PLEKHA6: variants seen among roughly 807,000 people sequenced by gnomAD.
PLEKHA6 encodes pleckstrin homology domain containing A6.
Under a neutral mutation model 116.7 loss-of-function variants are expected in PLEKHA6, and 60 were observed. The ratio of observed to expected loss-of-function variants is 0.51; its 90% CI spans 0.42 to 0.64. The LOEUF is 0.64. Ranked by LOEUF, PLEKHA6 falls within the 30% of genes least tolerant of loss-of-function variation. The pLI is 0.00. For missense variants in PLEKHA6, 1,338 were observed against 1,422.7 expected, an observed-to-expected ratio of 0.94 and a Z score of 0.96; for synonymous variants, 489 against 556.1, an observed-to-expected ratio of 0.88 and a Z score of 1.70.
rs1558174742 is a variant in PLEKHA6 at position 204,313,089 on chromosome 1, C to CCCTCCT, written c.-94-38281_-94-38280insAGGAGG. Among the ~76,000 whole-genome samples, 26 of 111,004 alleles carry CCCTCCT rather than the reference C, an allele frequency of 2.3e-4. 1 individual carries two copies. The highest frequency in any genetic ancestry group is 4.7e-4 in the African/African-American group (13 of 27,484). 72.8% of individuals were successfully genotyped at this position (111,004 alleles called of 152,430 possible). A position where few individuals can be genotyped will look rare whatever the true frequency, so the allele number is the denominator to read the frequency against. ...CTTCCTCCCTTCCTCCCTTCCCTCC[C>CCCTCCT]TCCCTCCTTCCCTCCTTCCTTCCTT... is the stretch of plus-strand genomic sequence containing the variant. On this transcript the variant is annotated intron_variant, in intron 1 of 22. Transcript: ENST00000272203.
upstream of PLEKHA6, among the ~76,000 whole-genome samples, chr1:204,364,424 T>G (rs1673614689): frequency 2.0e-5 from 3 of 152,222 alleles, no homozygotes; most frequent in South Asian, 6.2e-4. Context: ...TCCCGCTTGC[T>G]TTCTATTAAT....
chr1:204,347,703 T>C (rs1673115081), intron 1 of PLEKHA6, among the ~76,000 whole-genome samples: 1 of 151,986 alleles, frequency 6.6e-6, no homozygotes, highest in Non-Finnish European at 1.5e-5. Context: ...CCATGAAATC[T>C]TCACAAACCA....
rs1659970462 is a variant in PLEKHA6, at chr1:204,223,811, T to TGCTGAGAA, written c.3032-234_3032-227dup. Reference sequence around the variant, plus strand: ...AGGAGACCTGGCCGAATCTAGGCTCTGCTGAGAACCAGTGTGACTGTGGGT... The same window carrying TGCTGAGAA: ...AGGAGACCTGGCCGAATCTAGGCTCTGCTGAGAAGCTGAGAACCAGTGTGACTGTGGGT... On this transcript the variant is annotated intron_variant, in intron 21 of 22. Transcript: ENST00000272203. This position sits in a 1 kb window ranked among gnomAD's most constrained non-coding sequence, Gnocchi z 4.8. 6.6e-6 allele frequency among the ~76,000 whole-genome samples: 1 copy of TGCTGAGAA among 152,118 alleles called. No homozygotes were observed. Among genetic ancestry groups the TGCTGAGAA allele is most frequent in the African/African-American group, 2.4e-5 (1 of 41,412 alleles).
intron 9 of PLEKHA6, among the ~76,000 whole-genome samples, chr1:204,254,458 G>A (rs1001557410): frequency 6.6e-6 from 1 of 151,646 alleles, no homozygotes; most frequent in Non-Finnish European, 1.5e-5. Context: ...TTTTTTTTCT[G>A]TAACTTTAAG....
intron 1 of PLEKHA6, among the ~76,000 whole-genome samples, chr1:204,310,443 T>C (rs1671615329): frequency 6.6e-6 from 1 of 152,164 alleles, no homozygotes; most frequent in Non-Finnish European, 1.5e-5. Flanking sequence ...AGATCTGAAA[T>C]CCACTGGCCC....
At chr1:204,310,179 T>C (rs1671606293) in intron 1 of PLEKHA6, among the ~76,000 whole-genome samples, 1 of 152,048 alleles carries the variant, frequency 6.6e-6, no homozygotes, top group Non-Finnish European at 1.5e-5. Context: ...CTGGTAACAG[T>C]GATCCTCTCC....
chr1:204,242,175 G>C (rs1023776453), intron 15 of PLEKHA6, among the ~76,000 whole-genome samples: 7 of 152,266 alleles, frequency 4.6e-5, no homozygotes, highest in Middle Eastern at 3.4e-3. Flanking sequence ...TCCTACCCAA[G>C]ACATGAGCAA....
At position 204,257,019 on chromosome 1, in the gene PLEKHA6, C is replaced by T; in HGVS notation, c.1524+334G>A. The stretch of plus-strand genomic sequence containing the variant: ...GATCCCAAACTGAAATGGACAGCAG[C>T]CCCCCTTGCAATGATCTGTCCAGGT... On this transcript the variant is annotated intron_variant, in intron 9 of 22. Transcript: ENST00000272203. This position sits in a 1 kb window ranked among gnomAD's most constrained non-coding sequence, Gnocchi z 6.5. 1.7e-6 allele frequency: 1 copy of T among 582,554 alleles called. No individual in the cohort carries two copies. Among genetic ancestry groups the T allele is most frequent in the South Asian group, 2.2e-5 (1 of 45,340 alleles). 36.1% of individuals were successfully genotyped at this position (582,554 alleles called of 1,614,324 possible).
chr1:204,318,299 C>T (rs1349908602), intron 1 of PLEKHA6, among the ~76,000 whole-genome samples: 3 of 152,182 alleles, frequency 2.0e-5, no homozygotes, highest in Non-Finnish European at 4.4e-5. Flanking sequence ...TTCAAATTGG[C>T]TCATTTACTC....
chr1:204,349,786 G>T (rs891706471), intron 1 of PLEKHA6, among the ~76,000 whole-genome samples: 1 of 152,214 alleles, frequency 6.6e-6, no homozygotes, highest in Non-Finnish European at 1.5e-5. Context: ...AGAGCAGTGG[G>T]GGAGGGCCTA....
chr1:204,363,625 G>A (rs1673600264), upstream of PLEKHA6, among the ~76,000 whole-genome samples: 1 of 152,196 alleles, frequency 6.6e-6, no homozygotes. Flanking sequence ...AGGGAGACAA[G>A]GGGGCGGGGG....
chr1:204,268,324 G>A lies in PLEKHA6; in HGVS notation c.103-12C>T, dbSNP rs1403263657. 1.3e-6 allele frequency: 2 copies of A among 1,586,572 alleles called. No homozygotes were observed. Among genetic ancestry groups the A allele is most frequent in the Non-Finnish European group, 1.7e-6 (2 of 1,161,752 alleles). ...GCTGTGCGAGTTGCCTGGGGGCAGA[G>A]AGAGAAGCTGATCTAGGTCCCCAGT... On this transcript the variant is annotated splice_polypyrimidine_tract_variant and intron_variant, in intron 3 of 22. Transcript: ENST00000272203.
chr1:204,282,158 G>C (rs1333118275), intron 1 of PLEKHA6, among the ~76,000 whole-genome samples: 1 of 152,028 alleles, frequency 6.6e-6, no homozygotes, highest in Admixed American at 6.5e-5. Flanking sequence ...AGATAGGAAG[G>C]CCTAAGATGG....
chr1:204,239,404 T>C (rs1299488438), intron 17 of PLEKHA6, among the ~76,000 whole-genome samples: 1 of 152,208 alleles, frequency 6.6e-6, no homozygotes, highest in Non-Finnish European at 1.5e-5. Context: ...GTTGATTATA[T>C]TGGACCTCTT....
intron 1 of PLEKHA6, chr1:204,317,376 TATCAGC>T (rs1280798209): frequency 1.2e-4 from 21 of 170,754 alleles, no homozygotes; most frequent in Non-Finnish European, 2.1e-4. Context: ...TCGGAGAGTT[TATCAGC>T]AGAATCTGCC....
chr1:204,246,387 T>C (rs1478648957), intron 13 of PLEKHA6, among the ~76,000 whole-genome samples: 1 of 152,196 alleles, frequency 6.6e-6, no homozygotes, highest in Non-Finnish European at 1.5e-5. Context: ...ATGGGTCTAT[T>C]TGGACCCGAA....
At chr1:204,267,586 C>G in intron 4 of PLEKHA6, 39 bp from the exon 5 acceptor site, 2 of 1,561,334 alleles carry the variant, frequency 1.3e-6, no homozygotes, top group Non-Finnish European at 8.8e-7. Context: ...GGGCTGCAAG[C>G]TGGACGTGGA....
chr1:204,371,211 C>T (rs1031148027), intron 2 of PLEKHA6, among the ~76,000 whole-genome samples: 18 of 152,168 alleles, frequency 1.2e-4, no homozygotes, highest in African/African-American at 4.3e-4. Context: ...GCACTGGGGG[C>T]TGGCTTCTGC....
chr1:204,374,083 G>C (rs916680860), intron 1 of PLEKHA6, among the ~76,000 whole-genome samples: 5 of 151,990 alleles, frequency 3.3e-5, no homozygotes, highest in African/African-American at 1.2e-4. Context: ...GGATATCACA[G>C]ACAACCCTAT....
Sources: gnomAD v4.1 joint callset for allele counts (sites outside exome capture counted in the v4.1 genomes callset) on GRCh38, gnomAD v4.1.1 for gene constraint, Gnocchi (gnomAD v3.1) non-coding constraint, MANE v1.5 for transcripts, NCBI Gene and HGNC (gene_info 2026-07-23, HGNC 2026-07-21) for gene names.